The following TRAF5 variants were observed in gnomAD, a reference collection of about 807,000 sequenced individuals.
TRAF5 encodes TNF receptor-associated factor 5.
TRAF5 carries 48 observed loss-of-function variants against 64.5 expected under a neutral mutation model. That is an observed-to-expected ratio of 0.74 (90% CI 0.59 to 0.95). The LOEUF (loss-of-function observed/expected upper bound fraction) is 0.95, where lower values mean the gene tolerates loss of function less well. Among genes scored for constraint, TRAF5 ranks in the 40% least tolerant of loss-of-function variants. TRAF5 has a pLI of 0.00. For synonymous variants in TRAF5, 206 were observed against 240.5 expected (o/e 0.86, Z 1.33); for missense variants, 545 against 662.8 (o/e 0.82, Z 1.95).
intron 1 of TRAF5, among the ~76,000 whole-genome samples, chr1:211,352,504 C>G (rs931860261): frequency 2.0e-5 from 3 of 147,210 alleles, no homozygotes; most frequent in Non-Finnish European, 3.0e-5. Context: ...TGGTGTGTGC[C>G]TGTAGTGCCT....
Position 211,356,424 on chromosome 1 carries a change from A to G in TRAF5, c.334A>G (p.Asn112Asp), listed in dbSNP as rs1275005386. Residue 112 changes from asparagine (N) to aspartate (D), a missense_variant, in exon 4 of 11, where the codon AAT becomes GAT. Transcript: ENST00000261464. ...EVLNLYVYCSNAPGCNAKVIL... is the reference protein window; with the variant it reads ...EVLNLYVYCSDAPGCNAKVIL... ...CCTCAACTTATATGTATATTGCAGC[A>G]ATGCTCCTGGATGTAATGCCAAGGT... 1.9e-6 allele frequency: 3 copies of G among 1,614,102 alleles called. No homozygotes were observed. Among genetic ancestry groups the G allele is most frequent in the East Asian group, 4.5e-5 (2 of 44,898 alleles).
chr1:211,351,268 C>T (rs530124323), intron 1 of TRAF5, among the ~76,000 whole-genome samples: 104 of 152,000 alleles, frequency 6.8e-4, no homozygotes, highest in Non-Finnish European at 1.3e-3. Flanking sequence ...CCTCATGATC[C>T]GCCTGCCTCA....
chr1:211,350,917 C>T (rs1702765528), intron 1 of TRAF5, among the ~76,000 whole-genome samples: 1 of 152,106 alleles, frequency 6.6e-6, no homozygotes, highest in African/African-American at 2.4e-5. Flanking sequence ...CGCCATGTTG[C>T]CTGGGCTAGA....
intron 1 of TRAF5, among the ~76,000 whole-genome samples, chr1:211,331,727 A>G (rs1189760915): frequency 6.6e-6 from 1 of 151,526 alleles, no homozygotes; most frequent in Non-Finnish European, 1.5e-5. Flanking sequence ...GTGCAGTGGC[A>G]CAGTCTCAGC....
chr1:211,333,683 A>C (rs186620231), intron 1 of TRAF5, among the ~76,000 whole-genome samples: 328 of 152,022 alleles, frequency 2.2e-3, no homozygotes, highest in African/African-American at 7.7e-3. Context: ...TTTTTAGTAG[A>C]GATGGGGTTT....
At position 211,326,940 on chromosome 1, in the gene TRAF5, G is replaced by T. The variant is rs1049538057; in HGVS notation, c.-2+51G>T. ...GGCACCCTCGCGACGGAAGGGCCGG[G>T]GTGGGGACACCGACGAGCGCTTTTC... On this transcript the variant is annotated intron_variant, in intron 1 of 10. Transcript: ENST00000261464. The surrounding 1 kb of genome is among the most constrained non-coding windows in gnomAD (Gnocchi z 5.0). 3 of 981,464 alleles carry T rather than the reference G, an allele frequency of 3.1e-6. No individual in the cohort carries two copies. Among genetic ancestry groups the T allele is most frequent in the Non-Finnish European group, 2.4e-6 (2 of 826,136 alleles). 60.8% of individuals were successfully genotyped at this position (981,464 alleles called of 1,614,324 possible).
intron 8 of TRAF5, among the ~76,000 whole-genome samples, chr1:211,365,995 T>C (rs1703340821): frequency 6.6e-6 from 1 of 152,234 alleles, no homozygotes; most frequent in African/African-American, 2.4e-5. Context: ...CATACACACT[T>C]ATTTCACTGA....
intron 3 of TRAF5, 51 bp from the exon 4 acceptor site, chr1:211,356,316 C>A: frequency 6.7e-7 from 1 of 1,496,518 alleles, no homozygotes; most frequent in Non-Finnish European, 9.3e-7. Flanking sequence ...GCTTAATTCA[C>A]ATTGCTGTAA....
chr1:211,348,343 T>A (rs1702677732), intron 1 of TRAF5, among the ~76,000 whole-genome samples: 1 of 152,216 alleles, frequency 6.6e-6, no homozygotes, highest in Non-Finnish European at 1.5e-5. Flanking sequence ...TAAATACTTT[T>A]AAAATTCCTC....
At chr1:211,332,659 G>A (rs1270122078) in intron 1 of TRAF5, among the ~76,000 whole-genome samples, 1 of 152,176 alleles carries the variant, frequency 6.6e-6, no homozygotes, top group Non-Finnish European at 1.5e-5. Context: ...AGCAGATGCA[G>A]AATGAAAGAA....
Position 211,372,269 on chromosome 1 carries a change from A to C in TRAF5, c.1241A>C (p.Lys414Thr). Residue 414 changes from lysine (K) to threonine (T), a missense_variant, in exon 11 of 11, where the codon AAG becomes ACG. Coordinates refer to ENST00000261464, the MANE Select transcript of TRAF5 (RefSeq NM_001033910.3). ...GKLIWKVTDYKMKKREAVDGH... is the reference protein window; with the variant it reads ...GKLIWKVTDYTMKKREAVDGH... ...CTCATTTGGAAGGTGACAGATTACA[A>C]GATGAAGAAGAGAGAGGCGGTGGAT... The C allele has an allele frequency of 1.2e-6, 2 of 1,614,182 alleles. No homozygotes were observed. Among genetic ancestry groups the C allele is most frequent in the Non-Finnish European group, 1.7e-6 (2 of 1,180,034 alleles).
At chr1:211,333,790 C>T (rs933799810) in intron 1 of TRAF5, among the ~76,000 whole-genome samples, 1 of 152,204 alleles carries the variant, frequency 6.6e-6, no homozygotes, top group African/African-American at 2.4e-5. Flanking sequence ...AGCCACCGTA[C>T]CCGGCCTAAG....
At chr1:211,352,986 A>G (rs1440494502) in intron 1 of TRAF5, among the ~76,000 whole-genome samples, 1 of 152,202 alleles carries the variant, frequency 6.6e-6, no homozygotes, top group Non-Finnish European at 1.5e-5. Context: ...ACTGATGGAC[A>G]AAGAACTGAA....
intron 7 of TRAF5, among the ~76,000 whole-genome samples, chr1:211,364,670 A>G (rs1703290276): frequency 7.2e-6 from 1 of 139,010 alleles, no homozygotes; most frequent in Non-Finnish European, 1.5e-5. Context: ...TGGGCGACAG[A>G]GCAAGACTCC....
chr1:211,350,387 G>T (rs1053809082), intron 1 of TRAF5, among the ~76,000 whole-genome samples: 4 of 78,592 alleles, frequency 5.1e-5, no homozygotes, highest in Admixed American at 1.5e-4. Flanking sequence ...TGGTGTATTA[G>T]AAGAACAAAA....
At chr1:211,360,528 AT>A (rs1703140851) in intron 5 of TRAF5, 173 bp from the exon 6 acceptor site, 2 of 548,508 alleles carry the variant, frequency 3.6e-6, no homozygotes, top group Non-Finnish European at 6.4e-6. Context: ...TAATATTTTA[AT>A]TAAGTTCATT....
chr1:211,351,348 G>T (rs971032185), intron 1 of TRAF5, among the ~76,000 whole-genome samples: 3 of 151,874 alleles, frequency 2.0e-5, no homozygotes, highest in Admixed American at 2.0e-4. Context: ...TTCTTATAAG[G>T]GCACTAATCC....
At chr1:211,332,505 ATG>A in intron 1 of TRAF5, among the ~76,000 whole-genome samples, 1 of 152,320 alleles carries the variant, frequency 6.6e-6, no homozygotes, top group East Asian at 1.9e-4. Flanking sequence ...AGCGGCAGCC[ATG>A]AAGGTCCCTC....
In TRAF5 at chr1:211,368,115, T is replaced by C. The variant is rs545778892; in HGVS notation, c.790-1337T>C. 2.6e-5 allele frequency among the ~76,000 whole-genome samples: 4 copies of C among 152,112 alleles called. No homozygotes were observed. In the East Asian group the frequency reaches 7.7e-4, roughly 29 times the overall value. On this transcript the variant is annotated intron_variant, in intron 8 of 10. Coordinates refer to ENST00000261464, the MANE Select transcript of TRAF5 (RefSeq NM_001033910.3). ...TAGTTTTTAGATGAAGAGAGAGGTG[T>C]CTGAGAGGGCAGAGCCTGACAAAAT... is the stretch of plus-strand genomic sequence containing the variant.
Sources: gnomAD v4.1 joint callset for allele counts (sites outside exome capture counted in the v4.1 genomes callset) on GRCh38, gnomAD v4.1.1 for gene constraint, Gnocchi (gnomAD v3.1) non-coding constraint, MANE v1.5 for transcripts, NCBI Gene and HGNC (gene_info 2026-07-23, HGNC 2026-07-21) for gene names.